Variants in ZNF506 observed in about 807,000 individuals in gnomAD.
The protein encoded by ZNF506 is zinc finger protein 506.
ZNF506 carries 10 observed loss-of-function variants against 11.6 expected under a neutral mutation model. The ratio of observed to expected loss-of-function variants is 0.86; its 90% CI spans 0.53 to 1.46. The LOEUF (loss-of-function observed/expected upper bound fraction) is 1.46, where lower values mean the gene tolerates loss of function less well. ZNF506 is among the 40% of genes most tolerant of loss of function. The pLI is 0.00. For synonymous variants in ZNF506, 156 were observed against 173.3 expected (o/e 0.90, Z 0.78); for missense variants, 425 against 521.2 (o/e 0.82, Z 1.80).
In ZNF506 at chr19:19,794,288, T is replaced by C. The variant is rs542658385; in HGVS notation, c.*264A>G. 8.0e-4 allele frequency: 235 copies of C among 293,626 alleles called. 1 individual carries two copies. The highest frequency in any genetic ancestry group is 1.9e-3 in the South Asian group (38 of 19,958). 18.2% of individuals were successfully genotyped at this position (293,626 alleles called of 1,614,324 possible). ...TCGTGCCATTGCACTCCAGCCTGGG[T>C]GACAAGAGTGAAACTCCATCTCAAA... On this transcript the variant is annotated 3_prime_UTR_variant, in exon 4 of 4. Transcript: ENST00000540806.
chr19:19,811,488 C>T (rs970950084), intron 1 of ZNF506, among the ~76,000 whole-genome samples: 16 of 152,002 alleles, frequency 1.1e-4, no homozygotes, highest in African/African-American at 3.9e-4. Flanking sequence ...AAAATAAATA[C>T]GTACACTTAA....
At position 19,794,307 on chromosome 19, in the gene ZNF506, T is replaced by G. The variant is rs1265486754; in HGVS notation, c.*245A>C. Reference sequence around the variant, plus strand: ...CCTGGGTGACAAGAGTGAAACTCCATCTCAAAAAACAAAAAGAGTTGACAG... The same window carrying G: ...CCTGGGTGACAAGAGTGAAACTCCAGCTCAAAAAACAAAAAGAGTTGACAG... On this transcript the variant is annotated 3_prime_UTR_variant, in exon 4 of 4. Coordinates refer to ENST00000540806, the MANE Select transcript of ZNF506 (RefSeq NM_001099269.3). The G allele has an allele frequency of 8.7e-6, 3 of 343,450 alleles. No individual in the cohort carries two copies. Among genetic ancestry groups the G allele is most frequent in the Non-Finnish European group, 1.6e-5 (3 of 191,110 alleles). The allele number at this position is 343,450 out of a possible 1,614,324, so 21.3% of individuals were successfully genotyped here.
chr19:19,807,170 T>TA, intron 1 of ZNF506, 102 bp from the exon 2 acceptor site: 1 of 1,554,632 alleles, frequency 6.4e-7, no homozygotes, highest in African/African-American at 1.4e-5. Context: ...GGTTCTGACT[T>TA]ATAGGACTAA....
intron 1 of ZNF506, among the ~76,000 whole-genome samples, chr19:19,809,463 A>T (rs200330913): frequency 1.5e-4 from 22 of 151,580 alleles, no homozygotes; most frequent in African/African-American, 5.3e-4. Flanking sequence ...AGGGGAAGTT[A>T]TTTTTTTTCT....
chr19:19,805,814 A>G (rs544151575), intron 3 of ZNF506, among the ~76,000 whole-genome samples: 1 of 152,284 alleles, frequency 6.6e-6, no homozygotes, highest in African/African-American at 2.4e-5. Flanking sequence ...CGAAAGAAAA[A>G]TAGAATTCTT....
At chr19:19,814,623 C>A (rs1368199752) in intron 1 of ZNF506, among the ~76,000 whole-genome samples, 1 of 151,822 alleles carries the variant, frequency 6.6e-6, no homozygotes, top group Non-Finnish European at 1.5e-5. Flanking sequence ...ACAAAGTAAT[C>A]TGCACACCAA....
intron 1 of ZNF506, among the ~76,000 whole-genome samples, chr19:19,817,617 C>G (rs1353867751): frequency 1.3e-5 from 2 of 152,066 alleles, no homozygotes; most frequent in Non-Finnish European, 2.9e-5. Context: ...GGTGAGCAGG[C>G]TGAGACAGCT....
chr19:19,809,826 T>A (rs1599522805), intron 1 of ZNF506, among the ~76,000 whole-genome samples: 1 of 152,082 alleles, frequency 6.6e-6, no homozygotes, highest in African/African-American at 2.4e-5. Flanking sequence ...AGTGCAAAGG[T>A]GGAACTTAAC....
intron 1 of ZNF506, among the ~76,000 whole-genome samples, chr19:19,807,514 T>C (rs1182081276): frequency 6.6e-6 from 1 of 152,150 alleles, no homozygotes; most frequent in African/African-American, 2.4e-5. Context: ...CTTATTTATT[T>C]ATTTATTTAT....
At chr19:19,797,382 G>T (rs1428770291) in intron 3 of ZNF506, 2 of 150,608 alleles carry the variant, frequency 1.3e-5, no homozygotes, top group Non-Finnish European at 2.9e-5. Flanking sequence ...GGAGGCGGAG[G>T]TTGCAGTGAG....
At chr19:19,817,009 C>A (rs1190539400) in intron 1 of ZNF506, among the ~76,000 whole-genome samples, 2 of 151,912 alleles carry the variant, frequency 1.3e-5, no homozygotes, top group Non-Finnish European at 2.9e-5. Context: ...TCATATTGGT[C>A]AGGCTGGTCT....
chr19:19,799,571 A>C, intron 3 of ZNF506: 1 of 492,424 alleles, frequency 2.0e-6, no homozygotes, highest in Non-Finnish European at 3.5e-6. Context: ...ATAAATTTTC[A>C]AATATATAGA....
At chr19:19,796,327 T>TA (rs1299581605) in intron 3 of ZNF506, 6 of 152,162 alleles carry the variant, frequency 3.9e-5, no homozygotes, top group African/African-American at 1.4e-4. Context: ...GTTTCTTTTT[T>TA]AAAAAACAAG....
At position 19,793,060 on chromosome 19, in the gene ZNF506, GAATAA is replaced by G; in HGVS notation, c.*1487_*1491del. Among the ~76,000 whole-genome samples the G allele has an allele frequency of 6.6e-6, 1 of 151,994 alleles. No individual in the cohort carries two copies. Among genetic ancestry groups the G allele is most frequent in the South Asian group, 2.1e-4 (1 of 4,828 alleles). On this transcript the variant is annotated 3_prime_UTR_variant, in exon 4 of 4. Coordinates refer to ENST00000540806, the MANE Select transcript of ZNF506 (RefSeq NM_001099269.3). ...ATGCTTTCACATGTGACCACAATAGGAATAAAATAACAGCGTAAAGAAATTTGAAA... is the reference window on the plus strand; with the variant it reads ...ATGCTTTCACATGTGACCACAATAGGAATAACAGCGTAAAGAAATTTGAAA...
chr19:19,797,861 TAAAA>T (rs1019700104), intron 3 of ZNF506: 1 of 152,068 alleles, frequency 6.6e-6, no homozygotes, highest in African/African-American at 2.4e-5. Flanking sequence ...AAAGTTATAA[TAAAA>T]AAAGATGTCA....
chr19:19,796,146 G>C (rs1052681623), intron 3 of ZNF506: 1 of 161,672 alleles, frequency 6.2e-6, no homozygotes, highest in Non-Finnish European at 1.4e-5. Flanking sequence ...GCCAGGTGTG[G>C]TAACAGATAC....
At position 19,794,693 on chromosome 19, in the gene ZNF506, T is replaced by A; in HGVS notation, c.1194A>T (p.Lys398Asn). ...KIIHTGEKPY[K>N]CEECGKAFNW... The stretch of plus-strand genomic sequence containing the variant: ...TAAAAGCTTTGCCACATTCTTCACA[T>A]TTGTACGGTTTCTCTCCAGTATGAA... Residue 398 changes from lysine to asparagine, a missense_variant, in exon 4 of 4, where the codon AAA becomes AAT. Coordinates refer to ENST00000540806, the MANE Select transcript of ZNF506 (RefSeq NM_001099269.3). 1.2e-6 allele frequency: 2 copies of A among 1,614,026 alleles called. No individual in the cohort carries two copies. The highest frequency in any genetic ancestry group is 1.7e-6 in the Non-Finnish European group (2 of 1,179,982).
chr19:19,806,902 T>C (rs1234957902), intron 2 of ZNF506, 40 bp downstream of exon 2: 1 of 1,589,538 alleles, frequency 6.3e-7, no homozygotes, highest in South Asian at 1.2e-5. Context: ...ATAAAACCTT[T>C]AGAGTAATAT....
At chr19:19,803,284 C>T (rs1244148662) in intron 3 of ZNF506, among the ~76,000 whole-genome samples, 2 of 152,204 alleles carry the variant, frequency 1.3e-5, no homozygotes, top group African/African-American at 4.8e-5. Context: ...TTTACAGCCA[C>T]GTAGGCAGGC....
Sources: allele counts gnomAD v4.1 joint callset (sites outside exome capture counted in the v4.1 genomes callset), GRCh38; gene constraint gnomAD v4.1.1; transcripts MANE v1.5; gene names NCBI Gene and HGNC (gene_info 2026-07-23, HGNC 2026-07-21).